The following MBOAT2 variants were observed in gnomAD, a reference collection of about 807,000 sequenced individuals.
MBOAT2 encodes the protein membrane-bound glycerophospholipid O-acyltransferase 2.
A neutral mutation model predicts 63.4 loss-of-function variants in MBOAT2; 28 were observed. The ratio of observed to expected loss-of-function variants is 0.44; its 90% CI spans 0.33 to 0.61. The LOEUF (loss-of-function observed/expected upper bound fraction) is 0.61, where lower values mean the gene tolerates loss of function less well. MBOAT2 is among the 20% of genes least tolerant of loss of function. MBOAT2 has a pLI of 0.03. For synonymous variants in MBOAT2, 211 were observed against 215.6 expected (o/e 0.98, Z 0.19); for missense variants, 470 against 605.8 (o/e 0.78, Z 2.35).
chr2:8,906,245 A>G (rs895434789), intron 4 of MBOAT2, among the ~76,000 whole-genome samples: 3 of 152,248 alleles, frequency 2.0e-5, no homozygotes, highest in Non-Finnish European at 4.4e-5. Context: ...CACCACACCC[A>G]GCCTTTTAAA....
chr2:8,937,898 C>T (rs1188309346), intron 3 of MBOAT2, among the ~76,000 whole-genome samples: 2 of 152,186 alleles, frequency 1.3e-5, no homozygotes, highest in African/African-American at 2.4e-5. Context: ...CACTCACACT[C>T]GCCAGGGAGA....
chr2:8,954,675 A>C (rs1017039026), intron 2 of MBOAT2, among the ~76,000 whole-genome samples: 2 of 152,212 alleles, frequency 1.3e-5, no homozygotes, highest in Non-Finnish European at 2.9e-5. Context: ...ACCACAGTCT[A>C]TGTCCAGGAA....
rs532875210 is a variant in MBOAT2 at position 8,931,187 on chromosome 2, G to C, written c.299+12000C>G. 7.2e-5 allele frequency among the ~76,000 whole-genome samples: 11 copies of C among 152,300 alleles called. No individual in the cohort carries two copies. The South Asian group carries it at 2.3e-3, about 32-fold the overall frequency. ...TTATTATTTCTCCACAGCCTCACCA[G>C]CATGTTGTTTCTGACTTTTTAATAA... On this transcript the variant is annotated intron_variant, in intron 3 of 12. Coordinates refer to ENST00000305997, the MANE Select transcript of MBOAT2 (RefSeq NM_138799.4).
At chr2:8,881,765 C>A (rs1214131466) in intron 6 of MBOAT2, among the ~76,000 whole-genome samples, 1 of 152,064 alleles carries the variant, frequency 6.6e-6, no homozygotes, top group Non-Finnish European at 1.5e-5. Context: ...TACAAAAAGA[C>A]CCCCAAGACA....
chr2:8,928,251 G>A (rs1667069813), intron 3 of MBOAT2, among the ~76,000 whole-genome samples: 1 of 152,166 alleles, frequency 6.6e-6, no homozygotes, highest in Non-Finnish European at 1.5e-5. Flanking sequence ...ATATCAGTAA[G>A]CAAGCCTGAC....
intron 2 of MBOAT2, among the ~76,000 whole-genome samples, chr2:8,948,657 T>C (rs1055904570): frequency 5.9e-5 from 9 of 152,228 alleles, no homozygotes; most frequent in Admixed American, 1.3e-4. Context: ...TCCATGTTGC[T>C]GCAAAGGGCA....
At chr2:8,884,745 C>T (rs1663423384) in intron 5 of MBOAT2, among the ~76,000 whole-genome samples, 1 of 152,192 alleles carries the variant, frequency 6.6e-6, no homozygotes, top group South Asian at 2.1e-4. Context: ...GAAGTGTAAA[C>T]TAACCAAGAA....
At chr2:8,909,083 A>G (rs762797389) in intron 3 of MBOAT2, among the ~76,000 whole-genome samples, 3 of 152,210 alleles carry the variant, frequency 2.0e-5, no homozygotes, top group Non-Finnish European at 4.4e-5. Context: ...TATACATTCA[A>G]CAAATTCTTA....
intron 3 of MBOAT2, among the ~76,000 whole-genome samples, chr2:8,933,978 A>C (rs1667496496): frequency 6.6e-6 from 1 of 152,152 alleles, no homozygotes; most frequent in African/African-American, 2.4e-5. Context: ...CACCTCCAAA[A>C]GAGACATTAT....
chr2:8,908,607 A>G lies in MBOAT2; in HGVS notation c.395+14T>C. ...TGGATAAAACAGGCTACTGAATCAA[A>G]GTTTTCATCTTACCCTGAAAAATCA... On this transcript the variant is annotated intron_variant, in intron 4 of 12. Transcript: ENST00000305997. 6.6e-7 allele frequency: 1 copy of G among 1,506,062 alleles called. No individual in the cohort carries two copies. Among genetic ancestry groups the G allele is most frequent in the Non-Finnish European group, 9.2e-7 (1 of 1,089,956 alleles). 93.3% of individuals were successfully genotyped at this position (1,506,062 alleles called of 1,614,324 possible). A position where few individuals can be genotyped will look rare whatever the true frequency, so the allele number is the denominator to read the frequency against.
At position 8,862,787 on chromosome 2, in the gene MBOAT2, A is replaced by G; in HGVS notation, c.1053-65T>C. 1.3e-6 allele frequency: 2 copies of G among 1,543,266 alleles called. No individual in the cohort carries two copies. Among genetic ancestry groups the G allele is most frequent in the Non-Finnish European group, 1.7e-6 (2 of 1,147,562 alleles). ...GTGACCCGAGTTTACAAAGCCTGCA[A>G]TGATCATTCTTTTATTACCTGACAG... On this transcript the variant is annotated intron_variant, in intron 10 of 12. Transcript: ENST00000305997. The surrounding 1 kb of genome is among the most constrained non-coding windows in gnomAD (Gnocchi z 4.3).
At chr2:8,918,945 G>A (rs1202275830) in intron 3 of MBOAT2, among the ~76,000 whole-genome samples, 2 of 152,068 alleles carry the variant, frequency 1.3e-5, no homozygotes, top group Non-Finnish European at 2.9e-5. Flanking sequence ...GGCAACCACC[G>A]ATCATTTTCT....
intron 4 of MBOAT2, among the ~76,000 whole-genome samples, chr2:8,900,457 C>T (rs1005905583): frequency 3.3e-5 from 5 of 152,156 alleles, no homozygotes; most frequent in Non-Finnish European, 5.9e-5. Context: ...CTGAAAACTT[C>T]CCCAGGTCTG....
chr2:8,872,292 A>T (rs189868835), intron 8 of MBOAT2, among the ~76,000 whole-genome samples: 3 of 152,104 alleles, frequency 2.0e-5, no homozygotes, highest in Admixed American at 2.0e-4. Context: ...TTATTGCTCA[A>T]CTCATATTAA....
chr2:8,929,739 T>C (rs13403126), intron 3 of MBOAT2, among the ~76,000 whole-genome samples: 20,803 of 152,122 alleles, frequency 0.14, 2,007 homozygotes, highest in African/African-American at 0.28. Flanking sequence ...GGTATATATC[T>C]AGTAATGGGA....
chr2:8,887,446 T>G (rs1360155611), intron 5 of MBOAT2, among the ~76,000 whole-genome samples: 1 of 152,032 alleles, frequency 6.6e-6, no homozygotes, highest in Admixed American at 6.6e-5. Flanking sequence ...GGGCTCAAAC[T>G]CATCTCAAAA....
intron 1 of MBOAT2, among the ~76,000 whole-genome samples, chr2:8,997,831 T>A (rs79082901): frequency 0.024 from 3,684 of 152,262 alleles, 163 homozygotes; most frequent in African/African-American, 0.084. Context: ...ATCATGCCAT[T>A]TCCACTACAC....
At chr2:8,938,761 G>A (rs930032077) in intron 3 of MBOAT2, among the ~76,000 whole-genome samples, 3 of 151,320 alleles carry the variant, frequency 2.0e-5, no homozygotes, top group South Asian at 2.1e-4. Flanking sequence ...ATTTCATGCC[G>A]TGTTTCATGC....
intron 1 of MBOAT2, among the ~76,000 whole-genome samples, chr2:8,987,734 T>A (rs1172410818): frequency 6.6e-6 from 1 of 152,184 alleles, no homozygotes; most frequent in Non-Finnish European, 1.5e-5. Context: ...CATCTTTATA[T>A]GCCCTGGGAT....
Sources: gnomAD v4.1 joint callset for allele counts (sites outside exome capture counted in the v4.1 genomes callset) on GRCh38, gnomAD v4.1.1 for gene constraint, Gnocchi (gnomAD v3.1) non-coding constraint, MANE v1.5 for transcripts, NCBI Gene and HGNC (gene_info 2026-07-23, HGNC 2026-07-21) for gene names.